Variants in HS3ST5 observed in about 807,000 individuals in gnomAD.
HS3ST5 encodes the protein heparan sulfate glucosamine 3-O-sulfotransferase 5.
HS3ST5 carries 10 observed loss-of-function variants against 25.4 expected under a neutral mutation model. The observed-to-expected ratio is 0.39, with a 90% confidence interval of 0.24 to 0.67. The LOEUF (loss-of-function observed/expected upper bound fraction) is 0.67, where lower values mean the gene tolerates loss of function less well. Among genes scored for constraint, HS3ST5 ranks in the 30% least tolerant of loss-of-function variants. The pLI is 0.44. For synonymous variants in HS3ST5, 170 were observed against 162.4 expected (o/e 1.05, Z -0.36); for missense variants, 324 against 420.7 (o/e 0.77, Z 2.01).
In HS3ST5 at chr6:114,269,342, C is replaced by T. The variant is rs530740815; in HGVS notation, c.-338-40564G>A. Among the ~76,000 whole-genome samples the T allele has an allele frequency of 5.3e-5, 8 of 152,214 alleles. No individual in the cohort carries two copies. In the South Asian group the frequency reaches 1.5e-3, roughly 28 times the overall value. On this transcript the variant is annotated intron_variant, in intron 1 of 4. Transcript: ENST00000312719. ...TCCTGTTTCTATCATATTATGGTAC[C>T]TCTATGAAAACCCCACCATATGTAA...
chr6:114,073,455 A>G (rs1773944951), intron 3 of HS3ST5, among the ~76,000 whole-genome samples: 1 of 152,174 alleles, frequency 6.6e-6, no homozygotes, highest in African/African-American at 2.4e-5. Context: ...GAAAAAAACA[A>G]ACCCCATCAA....
intron 1 of HS3ST5, among the ~76,000 whole-genome samples, chr6:114,237,652 G>A (rs1771921074): frequency 6.6e-6 from 1 of 152,156 alleles, no homozygotes; most frequent in Admixed American, 6.5e-5. Flanking sequence ...CTGAATACAT[G>A]TCCTCCAAGC....
chr6:114,130,790 C>T (rs549196211), intron 3 of HS3ST5, among the ~76,000 whole-genome samples: 30 of 152,238 alleles, frequency 2.0e-4, no homozygotes, highest in Non-Finnish European at 3.2e-4. Flanking sequence ...AGGATAGTCT[C>T]GATCTCCTGA....
intron 1 of HS3ST5, among the ~76,000 whole-genome samples, chr6:114,320,401 T>C (rs1775916761): frequency 6.6e-6 from 1 of 152,148 alleles, no homozygotes; most frequent in Non-Finnish European, 1.5e-5. Context: ...CTGTATCTAC[T>C]CAGTGTCCAC....
intron 1 of HS3ST5, among the ~76,000 whole-genome samples, chr6:114,272,453 A>G (rs1266897914): frequency 3.3e-5 from 5 of 152,154 alleles, no homozygotes; most frequent in African/African-American, 9.6e-5. Flanking sequence ...TAAGCTTTGC[A>G]GAGAAGGGTA....
At chr6:114,293,917 T>G (rs1054840176) in intron 1 of HS3ST5, among the ~76,000 whole-genome samples, 1 of 152,128 alleles carries the variant, frequency 6.6e-6, no homozygotes, top group South Asian at 2.1e-4. Context: ...GAGACACACT[T>G]CAGGAGAATT....
chr6:114,271,455 T>G (rs1460819713), intron 1 of HS3ST5, among the ~76,000 whole-genome samples: 1 of 152,036 alleles, frequency 6.6e-6, no homozygotes, highest in Non-Finnish European at 1.5e-5. Context: ...AATCTAGCCC[T>G]GGATGAACAG....
At chr6:114,115,330 G>A (rs1027773785) in intron 3 of HS3ST5, among the ~76,000 whole-genome samples, 17 of 152,100 alleles carry the variant, frequency 1.1e-4, no homozygotes, top group African/African-American at 4.1e-4. Flanking sequence ...TGGGGAATAA[G>A]TTTTTGCAGC....
intron 3 of HS3ST5, among the ~76,000 whole-genome samples, chr6:114,094,065 A>G (rs1271637978): frequency 6.6e-6 from 1 of 152,244 alleles, no homozygotes; most frequent in African/African-American, 2.4e-5. Flanking sequence ...ATCCAGACAT[A>G]AGACAGTAAC....
intron 1 of HS3ST5, among the ~76,000 whole-genome samples, chr6:114,272,889 G>T (rs886383086): frequency 2.6e-5 from 4 of 152,104 alleles, no homozygotes; most frequent in Non-Finnish European, 5.9e-5. Flanking sequence ...GACTAGAGTG[G>T]AGTGAAGTAA....
intron 2 of HS3ST5, among the ~76,000 whole-genome samples, chr6:114,197,967 T>C (rs1780840624): frequency 6.6e-6 from 1 of 152,060 alleles, no homozygotes; most frequent in Non-Finnish European, 1.5e-5. Flanking sequence ...TTGATGGACA[T>C]GGAATTCAGA....
At chr6:114,165,594 A>G (rs569840466) in intron 3 of HS3ST5, among the ~76,000 whole-genome samples, 1 of 152,294 alleles carries the variant, frequency 6.6e-6, no homozygotes, top group East Asian at 1.9e-4. Context: ...GTCATGTGAG[A>G]TGAGAAAATT....
Position 114,250,441 on chromosome 6 carries a change from C to T in HS3ST5, c.-338-21663G>A, listed in dbSNP as rs184549367. Among the ~76,000 whole-genome samples, 236 of 152,052 alleles carry T rather than the reference C, an allele frequency of 1.6e-3. 1 individual carries two copies. The highest frequency in any genetic ancestry group is 2.8e-3 in the Non-Finnish European group (193 of 67,974). ...CTAAAAATACAAAAAATTAGTCGGG[C>T]GTGGTGGCAGGCGCCTGTAGTCCCA... On this transcript the variant is annotated intron_variant, in intron 1 of 4. Coordinates refer to ENST00000312719, the MANE Select transcript of HS3ST5 (RefSeq NM_153612.4).
chr6:114,203,087 C>T (rs1409881324), intron 2 of HS3ST5, among the ~76,000 whole-genome samples: 1 of 152,190 alleles, frequency 6.6e-6, no homozygotes, highest in African/African-American at 2.4e-5. Flanking sequence ...TACATTTGTA[C>T]ATTTCACGTT....
In HS3ST5 at chr6:114,057,457, G is replaced by T. The variant is rs764813664; in HGVS notation, c.841C>A (p.Gln281Lys). The T allele has an allele frequency of 2.2e-5, 36 of 1,614,002 alleles. No individual in the cohort carries two copies. In the East Asian group the frequency reaches 8.0e-4, roughly 36 times the overall value. The change falls in exon 5 of 5, where the codon CAA (glutamine) becomes AAA (lysine). Residue 281 changes from glutamine (Q) to lysine (K), a missense_variant. Coordinates refer to ENST00000312719, the MANE Select transcript of HS3ST5 (RefSeq NM_153612.4). ...KFLNLPPRISQYNLYFNATRG... is the reference protein window; with the variant it reads ...KFLNLPPRISKYNLYFNATRG... Reference sequence around the variant, plus strand: ...GTAGCATTGAAGTATAAATTGTATTGACTTATCCTTGGAGGCAGATTTAGG... The same window carrying T: ...GTAGCATTGAAGTATAAATTGTATTTACTTATCCTTGGAGGCAGATTTAGG...
intron 1 of HS3ST5, among the ~76,000 whole-genome samples, chr6:114,330,434 T>C (rs528122539): frequency 1.3e-5 from 2 of 152,292 alleles, no homozygotes; most frequent in African/African-American, 4.8e-5. Flanking sequence ...ATCATGATAT[T>C]GAGTTACTGT....
intron 1 of HS3ST5, among the ~76,000 whole-genome samples, chr6:114,267,862 T>G (rs564208288): frequency 4.6e-5 from 7 of 152,314 alleles, no homozygotes; most frequent in Admixed American, 2.0e-4. Context: ...TTCTTGGATA[T>G]CTTTCCTAGA....
intron 1 of HS3ST5, among the ~76,000 whole-genome samples, chr6:114,309,601 T>G (rs1050784818): frequency 6.6e-6 from 1 of 152,088 alleles, no homozygotes; most frequent in Non-Finnish European, 1.5e-5. Flanking sequence ...GGCTTGGTGG[T>G]GTGCATCTGT....
At chr6:114,069,468 C>G (rs1189498227) in intron 3 of HS3ST5, among the ~76,000 whole-genome samples, 1 of 151,860 alleles carries the variant, frequency 6.6e-6, no homozygotes, top group Non-Finnish European at 1.5e-5. Flanking sequence ...GAACATGACC[C>G]CATGATTGCA....
Sources: gnomAD v4.1 joint callset for allele counts (sites outside exome capture counted in the v4.1 genomes callset) on GRCh38, gnomAD v4.1.1 for gene constraint, MANE v1.5 for transcripts, NCBI Gene and HGNC (gene_info 2026-07-23, HGNC 2026-07-21) for gene names.